WDR12: variants seen among roughly 807,000 people sequenced by gnomAD.
The protein encoded by WDR12 is ribosome biogenesis protein WDR12.
WDR12 carries 42 observed loss-of-function variants against 64.3 expected under a neutral mutation model. The observed-to-expected ratio is 0.65, with a 90% CI of 0.51 to 0.84. The LOEUF (loss-of-function observed/expected upper bound fraction) is 0.84. Ranked by LOEUF, WDR12 falls within the 40% of genes least tolerant of loss-of-function variation. The probability of loss-of-function intolerance (pLI) is 0.00; values close to 1 mark genes in which losing one functional copy is unlikely to be tolerated. For synonymous variants in WDR12, 158 were observed against 173.3 expected, an observed-to-expected ratio of 0.91 and a Z score of 0.70; for missense variants, 469 against 494.6, an observed-to-expected ratio of 0.95 and a Z score of 0.49.
intron 2 of WDR12, among the ~76,000 whole-genome samples, chr2:202,901,969 G>A (rs1448200600): frequency 6.6e-6 from 1 of 152,060 alleles, no homozygotes; most frequent in Non-Finnish European, 1.5e-5. Flanking sequence ...ACCCATCATA[G>A]GGCTTGGATT....
intron 11 of WDR12, among the ~76,000 whole-genome samples, chr2:202,883,236 A>G (rs1687987041): frequency 6.6e-6 from 1 of 152,050 alleles, no homozygotes; most frequent in Non-Finnish European, 1.5e-5. Flanking sequence ...CCTGGGTTCG[A>G]GCGATTCTCC....
intron 8 of WDR12, among the ~76,000 whole-genome samples, chr2:202,884,959 C>A (rs181985625): frequency 7.2e-5 from 11 of 152,306 alleles, no homozygotes; most frequent in African/African-American, 1.9e-4. Context: ...TTTCTCCCCC[C>A]CTCTTTTCTT....
chr2:202,879,342 A>G lies in WDR12; in HGVS notation c.*1518T>C, dbSNP rs1253415207. On this transcript the variant is annotated 3_prime_UTR_variant, in exon 13 of 13. Coordinates refer to ENST00000261015, the MANE Select transcript of WDR12 (RefSeq NM_018256.4). ...CACCGTGCCCAACCAACTGTATGCA[A>G]TTTCTAAAGGATCTGACATATATTT... The G allele has an allele frequency of 1.3e-5, 2 of 150,938 alleles. No individual in the cohort carries two copies. Among genetic ancestry groups the G allele is most frequent in the Non-Finnish European group, 3.0e-5 (2 of 67,746 alleles). The allele number at this position is 150,938 out of a possible 1,614,324, so 9.3% of individuals were successfully genotyped here.
At chr2:202,895,054 A>G (rs1688214592) in intron 6 of WDR12, among the ~76,000 whole-genome samples, 1 of 152,162 alleles carries the variant, frequency 6.6e-6, no homozygotes, top group Non-Finnish European at 1.5e-5. Flanking sequence ...CCTTAACCAA[A>G]AAGAAGAGGT....
chr2:202,881,611 T>G (rs536560651), intron 12 of WDR12, among the ~76,000 whole-genome samples: 10 of 152,184 alleles, frequency 6.6e-5, no homozygotes, highest in African/African-American at 2.4e-4. Flanking sequence ...TGAGACCACG[T>G]CTCTACAAAA....
chr2:202,900,089 G>A (rs1688322254), intron 3 of WDR12, among the ~76,000 whole-genome samples: 2 of 152,170 alleles, frequency 1.3e-5, no homozygotes, highest in Non-Finnish European at 2.9e-5. Context: ...CAGCACTTTG[G>A]GAGGCCGAGA....
intron 1 of WDR12, among the ~76,000 whole-genome samples, chr2:202,910,632 T>A (rs532712948): frequency 5.6e-4 from 86 of 152,354 alleles, no homozygotes; most frequent in Non-Finnish European, 1.0e-3. Flanking sequence ...GTGGTTATGT[T>A]AATGCATCAC....
Position 202,878,933 on chromosome 2 carries a change from T to C in WDR12, c.*1927A>G, listed in dbSNP as rs370266606. 2 of 152,234 alleles carry C rather than the reference T, an allele frequency of 1.3e-5. No homozygotes were observed. Among genetic ancestry groups the C allele is most frequent in the Non-Finnish European group, 2.9e-5 (2 of 68,042 alleles). The allele number at this position is 152,234 out of a possible 1,614,324, so 9.4% of individuals were successfully genotyped here. On this transcript the variant is annotated 3_prime_UTR_variant, in exon 13 of 13. Coordinates refer to ENST00000261015, the MANE Select transcript of WDR12 (RefSeq NM_018256.4). ...AATGCTAATGATATCATAAAATCTG[T>C]AGAATGTTTAATACTGATGAAAGGT...
At chr2:202,891,630 T>G (rs1487192268) in intron 8 of WDR12, among the ~76,000 whole-genome samples, 9 of 152,232 alleles carry the variant, frequency 5.9e-5, no homozygotes, top group African/African-American at 2.2e-4. Flanking sequence ...ATGATCCCAT[T>G]TTATTCATTT....
chr2:202,908,633 T>G (rs947053367), intron 1 of WDR12, among the ~76,000 whole-genome samples: 1 of 152,098 alleles, frequency 6.6e-6, no homozygotes, highest in Admixed American at 6.5e-5. Flanking sequence ...ACACATGGAG[T>G]GCTTTATATA....
intron 3 of WDR12, among the ~76,000 whole-genome samples, chr2:202,900,203 G>A (rs1041594937): frequency 6.6e-6 from 1 of 151,950 alleles, no homozygotes; most frequent in African/African-American, 2.4e-5. Flanking sequence ...GGTGGCAGAT[G>A]CCTGCAATCC....
At chr2:202,904,380 C>T (rs1688416510) in intron 2 of WDR12, among the ~76,000 whole-genome samples, 1 of 150,978 alleles carries the variant, frequency 6.6e-6, no homozygotes, top group Admixed American at 6.6e-5. Context: ...ACCAGAATAG[C>T]CAAAGCTACC....
At chr2:202,907,156 T>C (rs1007622013) in intron 2 of WDR12, among the ~76,000 whole-genome samples, 10 of 151,848 alleles carry the variant, frequency 6.6e-5, no homozygotes, top group African/African-American at 2.2e-4. Flanking sequence ...ACCATGTTGG[T>C]CAGGCTGGTC....
intron 12 of WDR12, 132 bp from the exon 13 acceptor site, chr2:202,881,069 A>G (rs1687940969): frequency 8.7e-6 from 6 of 687,914 alleles, no homozygotes. Flanking sequence ...ACTTGCATTG[A>G]GAGTGAGTAA....
At chr2:202,881,173 T>C (rs1559157555) in intron 12 of WDR12, among the ~76,000 whole-genome samples, 1 of 152,222 alleles carries the variant, frequency 6.6e-6, no homozygotes, top group Non-Finnish European at 1.5e-5. Flanking sequence ...AATATGCTGT[T>C]GCACTTTCTA....
chr2:202,909,951 A>G (rs1688536520), intron 1 of WDR12, among the ~76,000 whole-genome samples: 1 of 152,024 alleles, frequency 6.6e-6, no homozygotes, highest in Admixed American at 6.6e-5. Flanking sequence ...GGGCACCACC[A>G]TGCCTGGCAA....
At chr2:202,882,445 C>T (rs2105902368) in intron 12 of WDR12, among the ~76,000 whole-genome samples, 1 of 152,162 alleles carries the variant, frequency 6.6e-6, no homozygotes, top group African/African-American at 2.4e-5. Context: ...TCTCCTGCTT[C>T]AGCCTCCCAA....
intron 1 of WDR12, among the ~76,000 whole-genome samples, chr2:202,910,747 G>A (rs912565524): frequency 2.0e-5 from 3 of 152,176 alleles, no homozygotes; most frequent in Admixed American, 1.3e-4. Flanking sequence ...CACAAGGGGA[G>A]AGAAGATGAT....
At position 202,897,616 on chromosome 2, in the gene WDR12, G is replaced by C. The variant is rs182138054; in HGVS notation, c.339-201C>G. Reference sequence around the variant, plus strand: ...AAAATAATACCTGGCATGGCTGGGCGTGGTGGCTCACGCCTGTAATCCCAG... The same window carrying C: ...AAAATAATACCTGGCATGGCTGGGCCTGGTGGCTCACGCCTGTAATCCCAG... On this transcript the variant is annotated intron_variant, in intron 4 of 12. Coordinates refer to ENST00000261015, the MANE Select transcript of WDR12 (RefSeq NM_018256.4). 9.7e-3 allele frequency among the ~76,000 whole-genome samples: 1,432 copies of C among 147,606 alleles called. 30 individuals are homozygous for C. Among genetic ancestry groups the C allele is most frequent in the South Asian group, 0.056 (249 of 4,448 alleles).
Sources: allele counts gnomAD v4.1 joint callset (sites outside exome capture counted in the v4.1 genomes callset), GRCh38; gene constraint gnomAD v4.1.1; transcripts MANE v1.5; gene names NCBI Gene and HGNC (gene_info 2026-07-23, HGNC 2026-07-21).